Variants in IQCM observed in about 807,000 individuals in gnomAD.
IQCM encodes IQ domain-containing protein M.
IQCM carries 45 observed loss-of-function variants against 57.6 expected under a neutral mutation model. That is an observed-to-expected ratio of 0.78 (90% confidence interval 0.62 to 1.00). The LOEUF is 1.00. IQCM is among the 50% of genes least tolerant of loss of function. The pLI is 0.00. For missense variants in IQCM, 468 were observed against 511.6 expected (o/e 0.91, Z 0.82); for synonymous variants, 148 against 158.9 (o/e 0.93, Z 0.51).
chr4:149,608,806 C>T (rs1488165033), intron 8 of IQCM, among the ~76,000 whole-genome samples: 1 of 151,314 alleles, frequency 6.6e-6, no homozygotes, highest in African/African-American at 2.4e-5. Context: ...ATCAAAAAAG[C>T]AGAAAACAGT....
At chr4:149,542,351 G>A (rs1747933641) in intron 12 of IQCM, among the ~76,000 whole-genome samples, 1 of 152,012 alleles carries the variant, frequency 6.6e-6, no homozygotes, top group Admixed American at 6.6e-5. Flanking sequence ...AAGCTAGCCT[G>A]GGAAACATGA....
intron 9 of IQCM, among the ~76,000 whole-genome samples, chr4:149,587,468 C>A (rs916009923): frequency 5.3e-5 from 8 of 151,724 alleles, no homozygotes; most frequent in Admixed American, 1.3e-4. Flanking sequence ...GTTTTCAAAA[C>A]AGTTTATCAA....
intron 5 of IQCM, among the ~76,000 whole-genome samples, chr4:149,726,841 C>G (rs1461441680): frequency 2.0e-5 from 3 of 151,726 alleles, no homozygotes; most frequent in Non-Finnish European, 4.4e-5. Context: ...AGCTAGAGTG[C>G]AGTGGTGCAA....
chr4:149,743,407 A>G (rs549192809), intron 2 of IQCM, among the ~76,000 whole-genome samples: 2 of 152,132 alleles, frequency 1.3e-5, no homozygotes, highest in Non-Finnish European at 2.9e-5. Context: ...GAAACTTAAC[A>G]TAAGCTGTCT....
intron 13 of IQCM, among the ~76,000 whole-genome samples, chr4:149,417,268 G>T (rs1733809690): frequency 6.6e-6 from 1 of 152,172 alleles, no homozygotes; most frequent in Non-Finnish European, 1.5e-5. Context: ...GCCACAGGCT[G>T]ATCTGGCCTT....
At chr4:149,723,404 C>A (rs1765615391) in intron 5 of IQCM, among the ~76,000 whole-genome samples, 1 of 151,884 alleles carries the variant, frequency 6.6e-6, no homozygotes, top group Non-Finnish European at 1.5e-5. Flanking sequence ...CATTGTTCAG[C>A]ATGTTATTGG....
chr4:149,395,819 C>G (rs891725885), intron 13 of IQCM, among the ~76,000 whole-genome samples: 8 of 151,984 alleles, frequency 5.3e-5, no homozygotes, highest in Non-Finnish European at 1.0e-4. Flanking sequence ...AGACATTTTG[C>G]ATCTTATAAA....
chr4:149,808,502 T>C (rs997354281), intron 2 of IQCM, among the ~76,000 whole-genome samples: 1 of 152,148 alleles, frequency 6.6e-6, no homozygotes, highest in African/African-American at 2.4e-5. Context: ...TTATAGTTAA[T>C]AATTTATCAT....
intron 12 of IQCM, 33 bp from the exon 13 acceptor site, chr4:149,433,590 A>G: frequency 2.1e-6 from 2 of 938,578 alleles, no homozygotes; most frequent in Non-Finnish European, 2.8e-6. Context: ...ATAAAATTTT[A>G]GACATTTTAC....
At chr4:149,753,359 T>C (rs79167294) in intron 2 of IQCM, among the ~76,000 whole-genome samples, 17,218 of 151,884 alleles carry the variant, frequency 0.11, 1,198 homozygotes, top group South Asian at 0.18. Flanking sequence ...TGAAACAAAA[T>C]AGCCAGAAAC....
At chr4:149,511,740 T>C (rs1560933830) in intron 12 of IQCM, among the ~76,000 whole-genome samples, 1 of 152,212 alleles carries the variant, frequency 6.6e-6, no homozygotes. Context: ...GCAGTGATAG[T>C]GTCTATCCTC....
chr4:149,598,271 T>G (rs1366265239), intron 8 of IQCM, among the ~76,000 whole-genome samples: 1 of 152,110 alleles, frequency 6.6e-6, no homozygotes, highest in African/African-American at 2.4e-5. Context: ...GTGTCTAATT[T>G]TTGAGGTTTT....
At chr4:149,593,715 C>T (rs1258865688) in intron 8 of IQCM, among the ~76,000 whole-genome samples, 1 of 152,080 alleles carries the variant, frequency 6.6e-6, no homozygotes, top group Non-Finnish European at 1.5e-5. Flanking sequence ...CTGAGATCAT[C>T]ATGTGGTTTT....
At chr4:149,618,905 T>G (rs933881875) in intron 8 of IQCM, among the ~76,000 whole-genome samples, 1 of 152,058 alleles carries the variant, frequency 6.6e-6, no homozygotes, top group Non-Finnish European at 1.5e-5. Flanking sequence ...ACACCCTCTA[T>G]GGGAAACAGT....
intron 9 of IQCM, among the ~76,000 whole-genome samples, chr4:149,567,141 C>T (rs547833572): frequency 2.0e-5 from 3 of 151,966 alleles, no homozygotes; most frequent in African/African-American, 7.2e-5. Context: ...ATAAGTATTC[C>T]TTTTATTGTG....
intron 12 of IQCM, among the ~76,000 whole-genome samples, chr4:149,532,197 C>G (rs552570171): frequency 5.2e-4 from 79 of 152,106 alleles, no homozygotes; most frequent in African/African-American, 1.9e-3. Flanking sequence ...GTTGTTTTCA[C>G]CTTAGAAAGC....
intron 12 of IQCM, among the ~76,000 whole-genome samples, chr4:149,526,904 T>C (rs1347972329): frequency 2.0e-5 from 3 of 152,134 alleles, no homozygotes; most frequent in African/African-American, 7.2e-5. Flanking sequence ...AATAATTTAT[T>C]ACAAAAATTT....
chr4:149,471,986 T>C (rs972765770), intron 12 of IQCM, among the ~76,000 whole-genome samples: 3 of 152,136 alleles, frequency 2.0e-5, no homozygotes, highest in African/African-American at 7.2e-5. Context: ...TAATAAGAGC[T>C]ATTTATGACA....
intron 12 of IQCM, among the ~76,000 whole-genome samples, chr4:149,472,014 A>C (rs1739615764): frequency 6.6e-6 from 1 of 152,234 alleles, no homozygotes; most frequent in Admixed American, 6.5e-5. Flanking sequence ...AGCCAATATC[A>C]TACTGAATGG....
Sources: allele counts gnomAD v4.1 joint callset (sites outside exome capture counted in the v4.1 genomes callset), GRCh38; gene constraint gnomAD v4.1.1; transcripts MANE v1.5; gene names NCBI Gene and HGNC (gene_info 2026-07-23, HGNC 2026-07-21).